PLPP1: variants seen among roughly 807,000 people sequenced by gnomAD.
The protein encoded by PLPP1 is lipid phosphate phosphohydrolase 1a.
PLPP1 carries 24 observed loss-of-function variants against 31.2 expected under a neutral mutation model. The observed-to-expected ratio is 0.77, with a 90% CI of 0.56 to 1.08. The LOEUF (loss-of-function observed/expected upper bound fraction) is 1.08. Ranked by LOEUF, PLPP1 falls within the 50% of genes least tolerant of loss-of-function variation. The pLI is 0.00. For synonymous variants in PLPP1, 146 were observed against 126.3 expected, an observed-to-expected ratio of 1.16 and a Z score of -1.05; for missense variants, 319 against 342.7, an observed-to-expected ratio of 0.93 and a Z score of 0.55.
chr5:55,448,042 T>C (rs1045546079), intron 3 of PLPP1, among the ~76,000 whole-genome samples: 9 of 152,214 alleles, frequency 5.9e-5, no homozygotes, highest in African/African-American at 2.2e-4. Context: ...AAACATGGAC[T>C]GATCCTATAA....
At chr5:55,483,956 C>T (rs1752723821) in intron 1 of PLPP1, among the ~76,000 whole-genome samples, 1 of 152,180 alleles carries the variant, frequency 6.6e-6, no homozygotes, top group Non-Finnish European at 1.5e-5. Context: ...TACTAACTCA[C>T]TATGCAATGC....
At chr5:55,506,263 T>TAAAAA (rs201809819) in intron 1 of PLPP1, among the ~76,000 whole-genome samples, 103 of 128,526 alleles carry the variant, frequency 8.0e-4, no homozygotes, top group African/African-American at 3.0e-3. Context: ...AGCAAATTAC[T>TAAAAA]AAAAAAAAAA....
At chr5:55,509,321 T>G (rs1579975044) in intron 1 of PLPP1, among the ~76,000 whole-genome samples, 1 of 152,220 alleles carries the variant, frequency 6.6e-6, no homozygotes, top group East Asian at 1.9e-4. Flanking sequence ...CTGTACAGTA[T>G]ATTTGAGTGT....
At position 55,534,782 on chromosome 5, in the gene PLPP1, G is replaced by C. The variant is rs977243871; in HGVS notation, c.-153C>G. 6.2e-5 allele frequency: 48 copies of C among 776,652 alleles called. No individual in the cohort carries two copies. The Admixed American group carries it at 1.3e-3, about 21-fold the overall frequency. The allele number at this position is 776,652 out of a possible 1,614,324, so 48.1% of individuals were successfully genotyped here. A position where few individuals can be genotyped will look rare whatever the true frequency, so the allele number is the denominator to read the frequency against. On this transcript the variant is annotated 5_prime_UTR_variant, in exon 1 of 6. Transcript: ENST00000307259. ...AGGAGAGCAGCCGAGGGCGGGCTGA[G>C]ACCGGGCGGCGCTCCCACCGCCAGC...
intron 1 of PLPP1, among the ~76,000 whole-genome samples, chr5:55,517,452 C>T (rs954870234): frequency 5.9e-5 from 9 of 152,134 alleles, no homozygotes; most frequent in African/African-American, 1.9e-4. Context: ...CCACCCCTGC[C>T]TCCCAAAGTG....
At chr5:55,501,535 G>C (rs544986918) in intron 1 of PLPP1, among the ~76,000 whole-genome samples, 12 of 151,920 alleles carry the variant, frequency 7.9e-5, no homozygotes, top group Non-Finnish European at 4.4e-5. Context: ...ACAGAGTTTC[G>C]CTTTTGTTGC....
At chr5:55,526,359 T>C (rs1360749652) in intron 1 of PLPP1, among the ~76,000 whole-genome samples, 1 of 152,160 alleles carries the variant, frequency 6.6e-6, no homozygotes, top group South Asian at 2.1e-4. Flanking sequence ...TAAGGTAAAT[T>C]TAAGCTAAAA....
chr5:55,467,787 G>A lies in PLPP1; in HGVS notation c.491+82C>T, dbSNP rs1752336460. 2.1e-6 allele frequency: 3 copies of A among 1,399,384 alleles called. No individual in the cohort carries two copies. The Admixed American group carries it at 6.9e-5, about 32-fold the overall frequency. 86.7% of individuals were successfully genotyped at this position (1,399,384 alleles called of 1,614,324 possible). ...ATAACACTAACTTCTCTTTTTAAGT[G>A]CGTGGCTTATCTTCCAGTCACTGAA... On this transcript the variant is annotated intron_variant, in intron 3 of 5. Coordinates refer to ENST00000307259, the MANE Select transcript of PLPP1 (RefSeq NM_003711.4).
chr5:55,475,521 C>T (rs1481904447), intron 1 of PLPP1, 71 bp from the exon 2 acceptor site: 1 of 1,306,060 alleles, frequency 7.7e-7, no homozygotes, highest in African/African-American at 1.5e-5. Context: ...CAATAATTAT[C>T]CCACAGACTC....
chr5:55,522,239 G>T (rs1753685645), intron 1 of PLPP1, among the ~76,000 whole-genome samples: 1 of 152,200 alleles, frequency 6.6e-6, no homozygotes, highest in Admixed American at 6.5e-5. Flanking sequence ...GTGAAAACCT[G>T]AAAGGAATGC....
At chr5:55,457,888 CAAA>C (rs33982765) in intron 3 of PLPP1, among the ~76,000 whole-genome samples, 1 of 143,220 alleles carries the variant, frequency 7.0e-6, no homozygotes, top group Non-Finnish European at 1.5e-5. Flanking sequence ...GACTCTGTCT[CAAA>C]AAAAAAAAAA....
At chr5:55,532,473 C>T (rs1278626394) in intron 1 of PLPP1, among the ~76,000 whole-genome samples, 1 of 152,052 alleles carries the variant, frequency 6.6e-6, no homozygotes, top group Non-Finnish European at 1.5e-5. Context: ...ATATTTTTTT[C>T]TGATCGAACA....
intron 1 of PLPP1, among the ~76,000 whole-genome samples, chr5:55,511,987 T>C (rs1753424321): frequency 6.6e-6 from 1 of 151,220 alleles, no homozygotes; most frequent in African/African-American, 2.4e-5. Flanking sequence ...TAGCTGGGCG[T>C]GGTGGCAGGT....
At position 55,534,809 on chromosome 5, in the gene PLPP1, A is replaced by G. The variant is rs931982170; in HGVS notation, c.-180T>C. On this transcript the variant is annotated 5_prime_UTR_variant, in exon 1 of 6. Transcript: ENST00000307259. ...CCGGGCGGCGCTCCCACCGCCAGCA[A>G]TGGCGCCCGGGGCCCTCCCCTCACA... The G allele has an allele frequency of 1.9e-5, 11 of 591,938 alleles. No homozygotes were observed. The highest frequency in any genetic ancestry group is 1.4e-4 in the African/African-American group (7 of 50,114). The allele number at this position is 591,938 out of a possible 1,614,324, so 36.7% of individuals were successfully genotyped here. A position where few individuals can be genotyped will look rare whatever the true frequency, so the allele number is the denominator to read the frequency against.
At chr5:55,462,562 C>A (rs887406786) in intron 3 of PLPP1, among the ~76,000 whole-genome samples, 1 of 151,608 alleles carries the variant, frequency 6.6e-6, no homozygotes, top group African/African-American at 2.4e-5. Context: ...AATTTTGGAA[C>A]GTTGAGGCAA....
intron 1 of PLPP1, among the ~76,000 whole-genome samples, chr5:55,509,950 C>T (rs1236702432): frequency 6.6e-6 from 1 of 152,058 alleles, no homozygotes; most frequent in South Asian, 2.1e-4. Flanking sequence ...AGTAGTAAAC[C>T]GGCCACGTGA....
chr5:55,528,390 T>C lies in PLPP1; in HGVS notation c.58+6182A>G, dbSNP rs551372866. On this transcript the variant is annotated intron_variant, in intron 1 of 5. Transcript: ENST00000307259. ...ACCTCCATTATCGTACTTATCATGA[T>C]GTATTATAACCACTTGTTTATTTCT... Among the ~76,000 whole-genome samples, 46 of 152,390 alleles carry C rather than the reference T, an allele frequency of 3.0e-4. No individual in the cohort carries two copies. In the East Asian group the frequency reaches 8.5e-3, roughly 28 times the overall value.
intron 1 of PLPP1, among the ~76,000 whole-genome samples, chr5:55,534,042 A>G (rs1372726067): frequency 6.6e-6 from 1 of 152,084 alleles, no homozygotes; most frequent in Non-Finnish European, 1.5e-5. Flanking sequence ...ATACGCAAAA[A>G]CTTGGCGTGC....
At chr5:55,518,667 TAA>T (rs1285227259) in intron 1 of PLPP1, among the ~76,000 whole-genome samples, 1 of 152,166 alleles carries the variant, frequency 6.6e-6, no homozygotes, top group Non-Finnish European at 1.5e-5. Flanking sequence ...TTAGCCAGGC[TAA>T]GTTTATAATT....
Sources: gnomAD v4.1 joint callset for allele counts (sites outside exome capture counted in the v4.1 genomes callset) on GRCh38, gnomAD v4.1.1 for gene constraint, MANE v1.5 for transcripts, NCBI Gene and HGNC (gene_info 2026-07-23, HGNC 2026-07-21) for gene names.